Variants in ABTB3 observed in about 807,000 individuals in gnomAD.
The protein encoded by ABTB3 is ankyrin repeat- and BTB/POZ domain-containing protein 3.
the ABTB3 span, chr12:107,651,917 C>G: frequency 9.6e-3 from 6,805 of 705,700 alleles, 42 homozygotes; most frequent in Non-Finnish European, 0.012. Context: ...AGCCGCTGGC[C>G]TCTGCCAAGG....
the ABTB3 span, among the ~76,000 whole-genome samples, chr12:107,500,620 C>T: frequency 6.6e-6 from 1 of 152,332 alleles, no homozygotes; most frequent in African/African-American, 2.4e-5. Flanking sequence ...AGAGTTTCCT[C>T]CCTGCCCTGC....
chr12:107,575,742 C>T, the ABTB3 span, among the ~76,000 whole-genome samples: 1 of 152,142 alleles, frequency 6.6e-6, no homozygotes, highest in South Asian at 2.1e-4. Context: ...TTGATAAAGA[C>T]CCTTGTGATT....
At chr12:107,557,466 G>T in the ABTB3 span, among the ~76,000 whole-genome samples, 2 of 152,126 alleles carry the variant, frequency 1.3e-5, no homozygotes, top group South Asian at 2.1e-4. Context: ...ATAAATAAAC[G>T]CAGAACCTGC....
chr12:107,347,763 C>T, the ABTB3 span, among the ~76,000 whole-genome samples: 1 of 152,142 alleles, frequency 6.6e-6, no homozygotes, highest in South Asian at 2.1e-4. Flanking sequence ...GGAAGAATCC[C>T]ACCCCTTGAT....
chr12:107,334,714 C>T, the ABTB3 span, among the ~76,000 whole-genome samples: 1 of 152,054 alleles, frequency 6.6e-6, no homozygotes, highest in African/African-American at 2.4e-5. Flanking sequence ...GGCAAGGTCA[C>T]AGCGGGAGTG....
At chr12:107,434,619 T>C in the ABTB3 span, among the ~76,000 whole-genome samples, 92 of 152,164 alleles carry the variant, frequency 6.0e-4, no homozygotes, top group Non-Finnish European at 1.1e-3. Flanking sequence ...TCCCAGCACT[T>C]TGGGAGGCTG....
At chr12:107,393,908 C>T in the ABTB3 span, among the ~76,000 whole-genome samples, 2 of 151,826 alleles carry the variant, frequency 1.3e-5, no homozygotes, top group African/African-American at 4.8e-5. Flanking sequence ...CCAGCCTGGG[C>T]AACAGAGTGA....
chr12:107,507,815 C>T, the ABTB3 span, among the ~76,000 whole-genome samples: 12 of 152,320 alleles, frequency 7.9e-5, no homozygotes, highest in South Asian at 6.2e-4. Flanking sequence ...ACCATCAGCT[C>T]GTCTTTCAAT....
chr12:107,432,623 G>A, the ABTB3 span, among the ~76,000 whole-genome samples: 1 of 152,198 alleles, frequency 6.6e-6, no homozygotes, highest in Non-Finnish European at 1.5e-5. Context: ...ATGTTGAGAG[G>A]ATGAATGGAT....
At chr12:107,588,716 T>C in the ABTB3 span, among the ~76,000 whole-genome samples, 4 of 152,188 alleles carry the variant, frequency 2.6e-5, no homozygotes, top group Admixed American at 2.6e-4. Flanking sequence ...AGACGGGATT[T>C]TGCCATGTTA....
At chr12:107,637,188 C>T in the ABTB3 span, among the ~76,000 whole-genome samples, 12 of 152,120 alleles carry the variant, frequency 7.9e-5, no homozygotes, top group Non-Finnish European at 4.4e-5. Context: ...GTCAGGAGTT[C>T]GAGACCAGCC....
the ABTB3 span, among the ~76,000 whole-genome samples, chr12:107,343,250 G>A: frequency 6.6e-6 from 1 of 152,166 alleles, no homozygotes; most frequent in East Asian, 1.9e-4. Context: ...CCTGGGCTCA[G>A]CAATCCTCCT....
the ABTB3 span, among the ~76,000 whole-genome samples, chr12:107,566,686 A>ACAC: frequency 3.6e-4 from 33 of 91,154 alleles, no homozygotes; most frequent in Admixed American, 3.4e-3. Flanking sequence ...CACACACACA[A>ACAC]ACATCTTTAC....
At chr12:107,547,314 G>T in the ABTB3 span, among the ~76,000 whole-genome samples, 327 of 152,240 alleles carry the variant, frequency 2.1e-3, 1 homozygote, top group African/African-American at 7.3e-3. Context: ...ACAGCTACCA[G>T]GCTGAAACTT....
At chr12:107,425,862 G>A in the ABTB3 span, among the ~76,000 whole-genome samples, 1 of 152,204 alleles carries the variant, frequency 6.6e-6, no homozygotes, top group Non-Finnish European at 1.5e-5. Context: ...CTGGGAGGTT[G>A]TAACCTTTCA....
the ABTB3 span, among the ~76,000 whole-genome samples, chr12:107,611,551 A>G: frequency 6.6e-6 from 1 of 152,248 alleles, no homozygotes; most frequent in Non-Finnish European, 1.5e-5. Flanking sequence ...CCAGGCGTCA[A>G]TTGTTGGAAA....
chr12:107,468,608 G>A, the ABTB3 span, among the ~76,000 whole-genome samples: 8 of 152,168 alleles, frequency 5.3e-5, no homozygotes, highest in Non-Finnish European at 1.2e-4. Context: ...TGAGCTGAGG[G>A]GCATTCCATA....
the ABTB3 span, among the ~76,000 whole-genome samples, chr12:107,555,663 C>T: frequency 2.6e-5 from 4 of 152,322 alleles, no homozygotes; most frequent in South Asian, 2.1e-4. Context: ...TGGCTATTTA[C>T]GTTTAAATTG....
the ABTB3 span, among the ~76,000 whole-genome samples, chr12:107,542,970 A>G: frequency 1.8e-4 from 28 of 152,148 alleles, no homozygotes; most frequent in African/African-American, 5.3e-4. Flanking sequence ...AAATCCATGT[A>G]TAAGTGGATC....
Sources: gnomAD v4.1 joint callset for allele counts (sites outside exome capture counted in the v4.1 genomes callset) on GRCh38, gnomAD v4.1.1 for gene constraint, MANE v1.5 for transcripts, NCBI Gene and HGNC (gene_info 2026-07-23, HGNC 2026-07-21) for gene names.